CSMD1: variants seen among roughly 807,000 people sequenced by gnomAD.
CSMD1 encodes the protein CUB and Sushi multiple domains 1, also known as CUB and sushi domain-containing protein 1.
A neutral mutation model predicts 417.5 loss-of-function variants in CSMD1; 213 were observed. The observed-to-expected ratio is 0.51, with a 90% CI of 0.46 to 0.57. The LOEUF (loss-of-function observed/expected upper bound fraction) is 0.57. CSMD1 is among the 20% of genes least tolerant of loss of function. The pLI, the probability that CSMD1 is intolerant of heterozygous loss-of-function variation, is 0.00. For synonymous variants in CSMD1, 2,862 were observed against 1,736.8 expected, an observed-to-expected ratio of 1.65 and a Z score of -16.11; for missense variants, 6,923 against 4,529.7, an observed-to-expected ratio of 1.53 and a Z score of -15.17.
chr8:4,815,284 A>C (rs1799139815), intron 1 of CSMD1, among the ~76,000 whole-genome samples: 1 of 152,152 alleles, frequency 6.6e-6, no homozygotes. Context: ...ACCAATCTGC[A>C]TTTGTGTCCT....
chr8:4,942,458 A>G (rs190860510), intron 1 of CSMD1, among the ~76,000 whole-genome samples: 22 of 152,314 alleles, frequency 1.4e-4, no homozygotes, highest in Non-Finnish European at 7.3e-5. Flanking sequence ...CATGACAAAG[A>G]CAGTTTTCAC....
chr8:3,229,935 C>T, intron 27 of CSMD1, 105 bp downstream of exon 27: 1 of 824,502 alleles, frequency 1.2e-6, no homozygotes, highest in Non-Finnish European at 1.8e-6. Context: ...ATGAAAGAAA[C>T]TCTTGAGAAA....
At chr8:4,633,926 T>G (rs1183400862) in intron 2 of CSMD1, among the ~76,000 whole-genome samples, 1 of 151,170 alleles carries the variant, frequency 6.6e-6, no homozygotes, top group Non-Finnish European at 1.5e-5. Context: ...TACTGGAGAC[T>G]GGGAAGCAAG....
intron 18 of CSMD1, among the ~76,000 whole-genome samples, 200 bp from the exon 19 acceptor site, chr8:3,369,570 C>T (rs1809818121): frequency 6.6e-6 from 1 of 152,142 alleles, no homozygotes; most frequent in African/African-American, 2.4e-5. Context: ...TTAACCACTA[C>T]AAAACCTTGA....
In CSMD1 at chr8:3,207,129, T is replaced by G. The variant is rs550279083; in HGVS notation, c.4868-1509A>C. 8.9e-5 allele frequency among the ~76,000 whole-genome samples: 13 copies of G among 145,984 alleles called. No homozygotes were observed. In the South Asian group the frequency reaches 2.9e-3, roughly 32 times the overall value. ...GCTCATTTCTTCTTGATATGGCCAT[T>G]TTCTTTTTTTTTTTTCATTTTCTTT... On this transcript the variant is annotated intron_variant, in intron 30 of 69. Transcript: ENST00000635120.
At chr8:3,495,844 A>T (rs535026995) in intron 10 of CSMD1, among the ~76,000 whole-genome samples, 1 of 152,188 alleles carries the variant, frequency 6.6e-6, no homozygotes, top group African/African-American at 2.4e-5. Context: ...TATGTCTTGC[A>T]TGGACTCCCT....
chr8:4,612,202 C>T (rs115352083), intron 2 of CSMD1, among the ~76,000 whole-genome samples: 270 of 152,276 alleles, frequency 1.8e-3, no homozygotes, highest in African/African-American at 6.3e-3. Flanking sequence ...TGGCTGCAGG[C>T]ACACTGCCTT....
intron 1 of CSMD1, among the ~76,000 whole-genome samples, chr8:4,879,601 G>A (rs1441858527): frequency 1.3e-5 from 2 of 151,964 alleles, no homozygotes; most frequent in African/African-American, 2.4e-5. Flanking sequence ...AAAATAAGGA[G>A]ACTGTAGTTA....
At chr8:4,775,118 T>C (rs1180923800) in intron 1 of CSMD1, among the ~76,000 whole-genome samples, 3 of 152,178 alleles carry the variant, frequency 2.0e-5, no homozygotes, top group Non-Finnish European at 4.4e-5. Context: ...ATATTTAAAA[T>C]AATATGTGTA....
At chr8:4,892,515 T>A (rs79027661) in intron 1 of CSMD1, among the ~76,000 whole-genome samples, 2,940 of 152,228 alleles carry the variant, frequency 0.019, 116 homozygotes, top group African/African-American at 0.067. Flanking sequence ...CAAAGACACC[T>A]GGGCTAATAA....
intron 26 of CSMD1, among the ~76,000 whole-genome samples, chr8:3,259,391 G>T (rs866747477): frequency 2.0e-5 from 3 of 151,858 alleles, no homozygotes; most frequent in Middle Eastern, 6.8e-3. Flanking sequence ...GCAGGTTTAC[G>T]GACACTCAGT....
At position 3,091,467 on chromosome 8, in the gene CSMD1, C is replaced by T. The variant is rs1814937178; in HGVS notation, c.7285+49G>A. The T allele has an allele frequency of 4.3e-6, 6 of 1,389,966 alleles. No homozygotes were observed. The East Asian group carries it at 1.4e-4, about 33-fold the overall frequency. The allele number at this position is 1,389,966 out of a possible 1,614,324, so 86.1% of individuals were successfully genotyped here. ...TTAAATTGTTTTATTCAATGAAAAT[C>T]ACCTGTTTTAAAATACTTTCATATA... On this transcript the variant is annotated intron_variant, in intron 48 of 69. Coordinates refer to ENST00000635120, the MANE Select transcript of CSMD1 (RefSeq NM_033225.6).
intron 2 of CSMD1, among the ~76,000 whole-genome samples, chr8:4,519,207 A>C (rs1803293872): frequency 6.6e-6 from 1 of 152,168 alleles, no homozygotes; most frequent in Non-Finnish European, 1.5e-5. Flanking sequence ...AGATCTTTGA[A>C]GAACAGGAAT....
intron 26 of CSMD1, among the ~76,000 whole-genome samples, chr8:3,252,376 A>G (rs748089528): frequency 2.0e-4 from 30 of 152,138 alleles, no homozygotes; most frequent in South Asian, 6.2e-4. Flanking sequence ...ATTGATTTGC[A>G]TATGTTGAAC....
rs147799365 is a variant in CSMD1, at chr8:3,284,102, C to T, written c.4153+42G>A. 29 of 1,437,736 alleles carry T rather than the reference C, an allele frequency of 2.0e-5. No individual in the cohort carries two copies. The African/African-American group carries it at 3.0e-4, about 15-fold the overall frequency. The allele number at this position is 1,437,736 out of a possible 1,614,324, so 89.1% of individuals were successfully genotyped here. A position where few individuals can be genotyped will look rare whatever the true frequency, so the allele number is the denominator to read the frequency against. On this transcript the variant is annotated intron_variant, in intron 26 of 69. Transcript: ENST00000635120. ...AGGGAGATCTGTGTTCATGACAAGA[C>T]TTTGATATCAAGGTAAAGAAGAAGC...
chr8:3,181,461 T>A (rs1251996085), intron 36 of CSMD1, among the ~76,000 whole-genome samples: 1 of 152,220 alleles, frequency 6.6e-6, no homozygotes, highest in African/African-American at 2.4e-5. Flanking sequence ...GTACAAAAAC[T>A]CCTATTGTAG....
chr8:4,305,266 T>C (rs80291504), intron 3 of CSMD1, among the ~76,000 whole-genome samples: 163 of 152,304 alleles, frequency 1.1e-3, no homozygotes, highest in African/African-American at 3.8e-3. Flanking sequence ...CCATTTCCAA[T>C]GCCTGGGAAC....
chr8:4,674,477 A>C (rs1031717329), intron 1 of CSMD1, among the ~76,000 whole-genome samples: 1 of 152,136 alleles, frequency 6.6e-6, no homozygotes, highest in Non-Finnish European at 1.5e-5. Context: ...TGTGTGTATA[A>C]ATGCTCAAAG....
chr8:4,323,316 G>A (rs943223575), intron 3 of CSMD1, among the ~76,000 whole-genome samples: 6 of 152,098 alleles, frequency 3.9e-5, no homozygotes, highest in Non-Finnish European at 7.4e-5. Flanking sequence ...ACTCTATATA[G>A]TACTTCAACC....
Sources: gnomAD v4.1 joint callset for allele counts (sites outside exome capture counted in the v4.1 genomes callset) on GRCh38, gnomAD v4.1.1 for gene constraint, MANE v1.5 for transcripts, NCBI Gene and HGNC (gene_info 2026-07-23, HGNC 2026-07-21) for gene names.